The following CBFB variants were observed in gnomAD, a reference collection of about 807,000 sequenced individuals.
CBFB encodes CBF-beta.
In CBFB, 9 loss-of-function variants were observed where a neutral mutation model predicts 30.4. The ratio of observed to expected loss-of-function variants is 0.30; its 90% CI spans 0.18 to 0.52. The LOEUF is 0.52. Ranked by LOEUF, CBFB falls within the 20% of genes least tolerant of loss-of-function variation. The pLI, the probability that CBFB is intolerant of heterozygous loss-of-function variation, is 0.97. For missense variants in CBFB, 170 were observed against 244.0 expected (o/e 0.70, Z 2.02); for synonymous variants, 94 against 84.0 (o/e 1.12, Z -0.65).
chr16:67,091,540 T>A (rs967076966), intron 5 of CBFB, among the ~76,000 whole-genome samples: 5 of 152,238 alleles, frequency 3.3e-5, no homozygotes, highest in Admixed American at 3.3e-4. Flanking sequence ...AGGGCCATCA[T>A]GGTCCAAGCC....
chr16:67,051,742 GT>G (rs958330256), intron 3 of CBFB, among the ~76,000 whole-genome samples: 2 of 148,882 alleles, frequency 1.3e-5, no homozygotes, highest in African/African-American at 2.5e-5. Flanking sequence ...TGATTTTGGT[GT>G]TTTTTTTGTG....
At chr16:67,068,522 G>A (rs986358640) in intron 4 of CBFB, among the ~76,000 whole-genome samples, 1 of 152,082 alleles carries the variant, frequency 6.6e-6, no homozygotes, top group African/African-American at 2.4e-5. Context: ...GACATCAGAG[G>A]CTGTGCACTG....
chr16:67,074,614 C>T (rs1961334722), intron 4 of CBFB, among the ~76,000 whole-genome samples: 1 of 152,008 alleles, frequency 6.6e-6, no homozygotes, highest in Admixed American at 6.6e-5. Flanking sequence ...ATCTCTTGAC[C>T]TCATGATCCA....
At chr16:67,031,490 C>T (rs907559069) in intron 2 of CBFB, among the ~76,000 whole-genome samples, 2 of 152,172 alleles carry the variant, frequency 1.3e-5, no homozygotes, top group African/African-American at 4.8e-5. Context: ...AGATAAGTTA[C>T]AAAGTACTTG....
chr16:67,059,960 C>A (rs1290441620), intron 3 of CBFB, among the ~76,000 whole-genome samples: 1 of 119,464 alleles, frequency 8.4e-6, no homozygotes, highest in Non-Finnish European at 1.7e-5. Context: ...ACTTTTAATT[C>A]TTTCTTTCTT....
Position 67,082,198 on chromosome 16 carries a change from C to A in CBFB, c.400-15C>A, listed in dbSNP as rs1961579504. The A allele has an allele frequency of 6.6e-7, 1 of 1,512,218 alleles. No individual in the cohort carries two copies. The highest frequency in any genetic ancestry group is 8.9e-7 in the Non-Finnish European group (1 of 1,118,374). 93.7% of individuals were successfully genotyped at this position (1,512,218 alleles called of 1,614,324 possible). A position where few individuals can be genotyped will look rare whatever the true frequency, so the allele number is the denominator to read the frequency against. ...TAAATCAAAATTAAAATAGGTATTTCATGTATTCTGACAGCAGGAGGATGC... is the reference window on the plus strand; with the variant it reads ...TAAATCAAAATTAAAATAGGTATTTAATGTATTCTGACAGCAGGAGGATGC... On this transcript the variant is annotated splice_polypyrimidine_tract_variant and intron_variant, in intron 4 of 5. Transcript: ENST00000412916.
intron 2 of CBFB, among the ~76,000 whole-genome samples, chr16:67,035,756 G>C (rs1179985947): frequency 2.6e-5 from 4 of 152,118 alleles, no homozygotes; most frequent in African/African-American, 9.7e-5. Flanking sequence ...ACTTTTTCTG[G>C]TTTCAGCAAA....
intron 2 of CBFB, among the ~76,000 whole-genome samples, chr16:67,034,113 C>G (rs1302691261): frequency 6.6e-6 from 1 of 152,148 alleles, no homozygotes; most frequent in Non-Finnish European, 1.5e-5. Flanking sequence ...CAGGCTTGAG[C>G]CACTGCACCC....
At chr16:67,053,643 T>C (rs1960628163) in intron 3 of CBFB, among the ~76,000 whole-genome samples, 2 of 151,888 alleles carry the variant, frequency 1.3e-5, no homozygotes, top group African/African-American at 2.4e-5. Context: ...CTGTGAATTT[T>C]TAGAGCCTCC....
rs1290592043 is a variant in CBFB, at chr16:67,082,278, T to C, written c.465T>C (p.Asp155=). The change falls in exon 5 of 6, where the codon GAT becomes GAC. Residue 155 remains aspartate, a synonymous_variant. Transcript: ENST00000412916. ...EARRRTREFE[D]RDRSHREEME... ...GGAGAAGGACACGCGAATTTGAAGA[T>C]AGAGACAGGTCTCATCGGGAGGAAA... The C allele has an allele frequency of 2.2e-5, 35 of 1,612,290 alleles. No homozygotes were observed. Among genetic ancestry groups the C allele is most frequent in the Non-Finnish European group, 2.8e-5 (33 of 1,178,610 alleles).
intron 5 of CBFB, 58 bp downstream of exon 5, chr16:67,082,366 G>A: frequency 6.3e-7 from 1 of 1,594,564 alleles, no homozygotes; most frequent in East Asian, 2.2e-5. Context: ...AAACTCTCAG[G>A]CTGTGTTTGT....
Position 67,029,786 on chromosome 16 carries a change from C to T in CBFB, c.138C>T (p.Asn46=). The change falls in exon 2 of 6, where the codon AAC becomes AAT. Residue 46 remains asparagine, a synonymous_variant. Coordinates refer to ENST00000412916, the MANE Select transcript of CBFB (RefSeq NM_022845.3). The part of the protein sequence containing the change: ...PHEERQARFQ[N]ACRDGRSEIA... Reference sequence around the variant, plus strand: ...AGGAACGCCAGGCACGCTTCCAGAACGCCTGCCGCGACGGCCGCTCGGAAA... The same window carrying T: ...AGGAACGCCAGGCACGCTTCCAGAATGCCTGCCGCGACGGCCGCTCGGAAA... The T allele has an allele frequency of 6.3e-7, 1 of 1,590,484 alleles. No homozygotes were observed. Among genetic ancestry groups the T allele is most frequent in the Admixed American group, 1.7e-5 (1 of 57,982 alleles).
intron 4 of CBFB, among the ~76,000 whole-genome samples, chr16:67,069,642 AAGT>A (rs1340161675): frequency 1.3e-5 from 2 of 152,246 alleles, no homozygotes; most frequent in Admixed American, 1.3e-4. Flanking sequence ...AATGGACACT[AAGT>A]AGGATAAACA....
rs1297907448 is a variant in CBFB, at chr16:67,029,498, G to T, written c.78+13G>T. 2.5e-6 allele frequency: 4 copies of T among 1,582,022 alleles called. No individual in the cohort carries two copies. Among genetic ancestry groups the T allele is most frequent in the Non-Finnish European group, 3.4e-6 (4 of 1,165,922 alleles). Reference sequence around the variant, plus strand: ...CCGCGAGTGTGAGGTGAGGCAGGCGGGCGGGCGGCTAGGAGGCCGCAGCGC... The same window carrying T: ...CCGCGAGTGTGAGGTGAGGCAGGCGTGCGGGCGGCTAGGAGGCCGCAGCGC... On this transcript the variant is annotated intron_variant, in intron 1 of 5. Coordinates refer to ENST00000412916, the MANE Select transcript of CBFB (RefSeq NM_022845.3).
At chr16:67,073,228 A>G (rs1346317601) in intron 4 of CBFB, among the ~76,000 whole-genome samples, 2 of 152,120 alleles carry the variant, frequency 1.3e-5, no homozygotes, top group Non-Finnish European at 1.5e-5. Context: ...TTGTATAACT[A>G]TTTCAGCTGA....
At chr16:67,059,162 CT>C (rs1190086624) in intron 3 of CBFB, among the ~76,000 whole-genome samples, 1 of 152,194 alleles carries the variant, frequency 6.6e-6, no homozygotes, top group Non-Finnish European at 1.5e-5. Context: ...GATGCCACTG[CT>C]TATTCCAAAT....
chr16:67,085,134 GAAAT>G (rs1404071649), intron 5 of CBFB, among the ~76,000 whole-genome samples: 6 of 151,828 alleles, frequency 4.0e-5, no homozygotes, highest in Non-Finnish European at 7.4e-5. Flanking sequence ...GTTAGTGTAT[GAAAT>G]AAATTGTGTG....
chr16:67,097,224 C>A (rs1296103985), intron 5 of CBFB, among the ~76,000 whole-genome samples: 2 of 150,824 alleles, frequency 1.3e-5, no homozygotes, highest in African/African-American at 2.4e-5. Flanking sequence ...CAGAGTGAGA[C>A]CCTGTCTCAA....
At chr16:67,059,734 A>G (rs1265563952) in intron 3 of CBFB, among the ~76,000 whole-genome samples, 1 of 152,024 alleles carries the variant, frequency 6.6e-6, no homozygotes, top group Non-Finnish European at 1.5e-5. Flanking sequence ...CTTGCTCCAG[A>G]TTCTTCCTGG....
Sources: gnomAD v4.1 joint callset for allele counts (sites outside exome capture counted in the v4.1 genomes callset) on GRCh38, gnomAD v4.1.1 for gene constraint, MANE v1.5 for transcripts, NCBI Gene and HGNC (gene_info 2026-07-23, HGNC 2026-07-21) for gene names.